The following PLCH1 variants were observed in gnomAD, a reference collection of about 807,000 sequenced individuals.
The protein encoded by PLCH1 is phospholipase C eta 1, also known as 1-phosphatidylinositol 4,5-bisphosphate phosphodiesterase eta-1.
Under a neutral mutation model 126.7 loss-of-function variants are expected in PLCH1, and 60 were observed. That is an observed-to-expected ratio of 0.47 (90% CI 0.38 to 0.59). The LOEUF (loss-of-function observed/expected upper bound fraction) is 0.59, where lower values mean the gene tolerates loss of function less well. Ranked by LOEUF, PLCH1 falls within the 20% of genes least tolerant of loss-of-function variation. PLCH1 has a pLI of 0.00. For missense variants in PLCH1, 1,723 were observed against 2,040.0 expected (o/e 0.84, Z 2.99); for synonymous variants, 719 against 734.9 (o/e 0.98, Z 0.35).
rs529017510 is a variant in PLCH1 at position 155,665,512 on chromosome 3, G to A, written c.79+38634C>T. ...GTAAACTAGCAAGGTAGTGGAAGGA[G>A]AGGAGGCAAAGATAAGCACTGGGAA... On this transcript the variant is annotated intron_variant, in intron 2 of 22. Coordinates refer to ENST00000460012, the MANE Select transcript of PLCH1 (RefSeq NM_014996.4). Among the ~76,000 whole-genome samples, 53 of 152,320 alleles carry A rather than the reference G, an allele frequency of 3.5e-4. No homozygotes were observed. In the South Asian group the frequency reaches 4.4e-3, roughly 13 times the overall value.
chr3:155,497,514 T>C (rs1023978831), intron 14 of PLCH1, 97 bp from the exon 15 acceptor site: 1 of 846,082 alleles, frequency 1.2e-6, no homozygotes, highest in Non-Finnish European at 2.0e-6. Flanking sequence ...AATGATTTAA[T>C]AGGGAATACC....
chr3:155,502,780 C>G (rs746392652), intron 13 of PLCH1, among the ~76,000 whole-genome samples: 22 of 152,168 alleles, frequency 1.4e-4, no homozygotes, highest in Admixed American at 3.9e-4. Context: ...CTTTTAATGG[C>G]TGCATCATTG....
chr3:155,566,112 C>T (rs62286065), intron 7 of PLCH1, among the ~76,000 whole-genome samples: 3 of 48,864 alleles, frequency 6.1e-5, no homozygotes, highest in Non-Finnish European at 1.3e-4. Context: ...TATATATATA[C>T]ATATATATAT....
At chr3:155,587,337 C>T (rs1347111607) in intron 4 of PLCH1, among the ~76,000 whole-genome samples, 1 of 152,296 alleles carries the variant, frequency 6.6e-6, no homozygotes, top group South Asian at 2.1e-4. Context: ...TTTTCTCTGT[C>T]CCACTCAGAC....
intron 2 of PLCH1, among the ~76,000 whole-genome samples, chr3:155,691,823 T>C (rs1415516540): frequency 6.6e-6 from 1 of 152,114 alleles, no homozygotes; most frequent in Non-Finnish European, 1.5e-5. Context: ...CATAGATTAA[T>C]CAAAACAAAA....
chr3:155,593,690 T>C (rs950363652), intron 4 of PLCH1, among the ~76,000 whole-genome samples: 1 of 152,142 alleles, frequency 6.6e-6, no homozygotes, highest in African/African-American at 2.4e-5. Flanking sequence ...AGACCTCTGA[T>C]TGTGGAGCTA....
rs990066767 is a variant in PLCH1 at position 155,564,833 on chromosome 3, C to G, written c.1069+82G>C. 10 of 842,140 alleles carry G rather than the reference C, an allele frequency of 1.2e-5. No homozygotes were observed. The African/African-American group carries it at 1.7e-4, about 14-fold the overall frequency. 52.2% of individuals were successfully genotyped at this position (842,140 alleles called of 1,614,324 possible). On this transcript the variant is annotated intron_variant, in intron 8 of 22. Transcript: ENST00000460012. ...TAGTGTGAGAGTGTGTTTTAGGTCT[C>G]CATTCTTTATACTAGACTCGACAGA...
At chr3:155,496,027 C>T (rs571641) in intron 15 of PLCH1, among the ~76,000 whole-genome samples, 131 of 152,266 alleles carry the variant, frequency 8.6e-4, no homozygotes, top group Non-Finnish European at 1.6e-3. Flanking sequence ...TGTCTCTCTA[C>T]ATAAATATGC....
chr3:155,686,135 CGT>C (rs986225248), intron 2 of PLCH1, among the ~76,000 whole-genome samples: 2 of 151,986 alleles, frequency 1.3e-5, no homozygotes, highest in South Asian at 4.2e-4. Flanking sequence ...TGCATGCATG[CGT>C]GTGTGTGTAT....
intron 21 of PLCH1, among the ~76,000 whole-genome samples, chr3:155,462,255 C>T (rs1031411984): frequency 6.6e-6 from 1 of 152,116 alleles, no homozygotes; most frequent in Non-Finnish European, 1.5e-5. Context: ...ACTGAGGCAC[C>T]TCGTGGCGAC....
intron 21 of PLCH1, among the ~76,000 whole-genome samples, chr3:155,467,798 AC>A (rs1238134003): frequency 5.9e-5 from 9 of 152,356 alleles, no homozygotes; most frequent in Admixed American, 5.9e-4. Flanking sequence ...GCCCAGACAA[AC>A]AAAAGCTGAT....
chr3:155,686,059 G>A (rs1208773807), intron 2 of PLCH1, among the ~76,000 whole-genome samples: 1 of 152,130 alleles, frequency 6.6e-6, no homozygotes, highest in African/African-American at 2.4e-5. Flanking sequence ...ATTATACCAT[G>A]GGGCAAAGGG....
intron 7 of PLCH1, among the ~76,000 whole-genome samples, chr3:155,566,569 G>T (rs1017561961): frequency 5.3e-5 from 8 of 151,732 alleles, no homozygotes; most frequent in African/African-American, 1.9e-4. Flanking sequence ...AAACAGTAAA[G>T]TCAGTGCCAT....
intron 16 of PLCH1, 42 bp from the exon 17 acceptor site, chr3:155,494,290 G>A: frequency 6.2e-7 from 1 of 1,609,220 alleles, no homozygotes; most frequent in Non-Finnish European, 8.5e-7. Context: ...CAAGATGGTG[G>A]CATAGTGAGA....
At chr3:155,562,343 A>C (rs2108501727) in intron 8 of PLCH1, among the ~76,000 whole-genome samples, 1 of 152,080 alleles carries the variant, frequency 6.6e-6, no homozygotes, top group South Asian at 2.1e-4. Context: ...AACTTTCCAC[A>C]TTTTTCTATT....
intron 7 of PLCH1, among the ~76,000 whole-genome samples, chr3:155,565,773 G>A (rs1021365736): frequency 2.0e-5 from 3 of 149,798 alleles, no homozygotes; most frequent in Non-Finnish European, 4.4e-5. Context: ...TTGGCTCACT[G>A]CAACCTCCGC....
Position 155,482,335 on chromosome 3 carries a change from T to C in PLCH1, c.3691A>G (p.Lys1231Glu), listed in dbSNP as rs781540851. 8 of 1,614,170 alleles carry C rather than the reference T, an allele frequency of 5.0e-6. No homozygotes were observed. Among genetic ancestry groups the C allele is most frequent in the Non-Finnish European group, 6.8e-6 (8 of 1,180,006 alleles). ...GATTTTCCCTTGCAAAAACCATGCTTGATGGGCATTTTTAGGCCCAGGCTA... is the reference window on the plus strand; with the variant it reads ...GATTTTCCCTTGCAAAAACCATGCTCGATGGGCATTTTTAGGCCCAGGCTA... ...LPSLGLKMPI[K>E]HGFCKGKSKS... Residue 1231 changes from lysine to glutamate, a missense_variant, in exon 23 of 23, where the codon AAG becomes GAG. Transcript: ENST00000460012.
intron 11 of PLCH1, among the ~76,000 whole-genome samples, chr3:155,515,744 C>A (rs550784499): frequency 6.6e-6 from 1 of 152,332 alleles, no homozygotes; most frequent in East Asian, 1.9e-4. Flanking sequence ...AGTGCACCTA[C>A]CTCTCCCTGT....
chr3:155,551,240 T>A (rs1726068084), intron 9 of PLCH1, among the ~76,000 whole-genome samples: 1 of 151,610 alleles, frequency 6.6e-6, no homozygotes, highest in Non-Finnish European at 1.5e-5. Flanking sequence ...AGGCCAGGAG[T>A]TCGAGACCAG....
Sources: allele counts gnomAD v4.1 joint callset (sites outside exome capture counted in the v4.1 genomes callset), GRCh38; gene constraint gnomAD v4.1.1; transcripts MANE v1.5; gene names NCBI Gene and HGNC (gene_info 2026-07-23, HGNC 2026-07-21).